The following SPATA9 variants were observed in gnomAD, a reference collection of about 807,000 sequenced individuals.
SPATA9 encodes spermatogenesis-associated protein 9.
A neutral mutation model predicts 25.5 loss-of-function variants in SPATA9; 27 were observed. That is an observed-to-expected ratio of 1.06 (90% CI 0.78 to 1.46). The LOEUF (loss-of-function observed/expected upper bound fraction) is 1.46, where lower values mean the gene tolerates loss of function less well. Among genes scored for constraint, SPATA9 ranks in the 40% most tolerant of loss-of-function variants. The pLI, the probability that SPATA9 is intolerant of heterozygous loss-of-function variation, is 0.00. For missense variants in SPATA9, 282 were observed against 297.5 expected, an observed-to-expected ratio of 0.95 and a Z score of 0.38; for synonymous variants, 102 against 105.7, an observed-to-expected ratio of 0.97 and a Z score of 0.21.
the SPATA9 span, among the ~76,000 whole-genome samples, chr5:95,707,670 A>G: frequency 9.8e-5 from 15 of 152,302 alleles, no homozygotes; most frequent in Non-Finnish European, 2.1e-4. Flanking sequence ...AGCTTGCCAC[A>G]GTATCTTATC....
In SPATA9 at chr5:95,661,833, CAT is replaced by C. The variant is rs1368820787; in HGVS notation, c.474+2118_474+2119del. On this transcript the variant is annotated intron_variant, in intron 4 of 4. Coordinates refer to ENST00000274432, the MANE Select transcript of SPATA9 (RefSeq NM_031952.4). ...TATCTAGTCAACTTACATACACACA[CAT>C]ACACACACACATGCACACACCTGCT... Among the ~76,000 whole-genome samples, 3 of 152,134 alleles carry C rather than the reference CAT, an allele frequency of 2.0e-5. No individual in the cohort carries two copies. The East Asian group carries it at 5.8e-4, about 29-fold the overall frequency.
At chr5:95,705,580 G>A in the SPATA9 span, among the ~76,000 whole-genome samples, 3 of 152,110 alleles carry the variant, frequency 2.0e-5, no homozygotes, top group African/African-American at 4.8e-5. Flanking sequence ...GTAATAATGT[G>A]TATGAAGTAC....
chr5:95,658,545 A>C lies in SPATA9; in HGVS notation c.*78T>G. 1 of 1,482,202 alleles carries C rather than the reference A, an allele frequency of 6.7e-7. No homozygotes were observed. The highest frequency in any genetic ancestry group is 8.9e-7 in the Non-Finnish European group (1 of 1,117,768). The allele number at this position is 1,482,202 out of a possible 1,614,324, so 91.8% of individuals were successfully genotyped here. A position where few individuals can be genotyped will look rare whatever the true frequency, so the allele number is the denominator to read the frequency against. On this transcript the variant is annotated 3_prime_UTR_variant, in exon 5 of 5. Transcript: ENST00000274432. ...AAAGCAGAGCAATTCAGAATATGTA[A>C]ACTAGACTCTGAGTTTTGTCAGATG...
At chr5:95,671,149 C>T (rs1016820056) in intron 3 of SPATA9, among the ~76,000 whole-genome samples, 7 of 152,142 alleles carry the variant, frequency 4.6e-5, no homozygotes, top group Admixed American at 3.9e-4. Flanking sequence ...AATGATTCTC[C>T]TACTTCTCAT....
intron 3 of SPATA9, among the ~76,000 whole-genome samples, chr5:95,669,845 A>C (rs574616848): frequency 6.6e-6 from 1 of 152,322 alleles, no homozygotes; most frequent in South Asian, 2.1e-4. Context: ...AACTACCAGG[A>C]AATTCTCTAC....
the SPATA9 span, among the ~76,000 whole-genome samples, chr5:95,704,095 A>G: frequency 6.6e-6 from 1 of 152,120 alleles, no homozygotes; most frequent in African/African-American, 2.4e-5. Flanking sequence ...ACACAGTCTC[A>G]CTTTGATGTA....
At chr5:95,732,063 G>A in the SPATA9 span, 3 of 1,614,212 alleles carry the variant, frequency 1.9e-6, no homozygotes, top group Non-Finnish European at 2.5e-6. Context: ...TCAAGCTGGT[G>A]GTCCACGACT....
At chr5:95,665,995 T>C (rs1412733344) in intron 3 of SPATA9, among the ~76,000 whole-genome samples, 1 of 152,134 alleles carries the variant, frequency 6.6e-6, no homozygotes, top group Non-Finnish European at 1.5e-5. Flanking sequence ...AAGGTACTTC[T>C]GAAGAACACG....
chr5:95,711,526 TC>T, the SPATA9 span, among the ~76,000 whole-genome samples: 34 of 152,230 alleles, frequency 2.2e-4, no homozygotes, highest in South Asian at 6.0e-3. Flanking sequence ...TGTGCCTCTC[TC>T]AGTGGTAGTA....
chr5:95,674,318 A>T (rs1752704385), intron 3 of SPATA9, among the ~76,000 whole-genome samples: 1 of 152,124 alleles, frequency 6.6e-6, no homozygotes, highest in African/African-American at 2.4e-5. Flanking sequence ...ATTTTTGAGG[A>T]TTCCCTCATT....
chr5:95,699,799 T>C (rs1034975830), upstream of SPATA9, among the ~76,000 whole-genome samples: 1 of 152,232 alleles, frequency 6.6e-6, no homozygotes, highest in Admixed American at 6.5e-5. Context: ...TTGCTATATT[T>C]TGAATTTAGA....
chr5:95,711,562 G>A, the SPATA9 span, among the ~76,000 whole-genome samples: 1 of 152,170 alleles, frequency 6.6e-6, no homozygotes, highest in Non-Finnish European at 1.5e-5. Flanking sequence ...TCCCGCCGCG[G>A]CCGCAGTCGA....
intron 4 of SPATA9, among the ~76,000 whole-genome samples, chr5:95,660,210 TTCTA>T (rs1374431498): frequency 6.6e-6 from 1 of 152,112 alleles, no homozygotes; most frequent in East Asian, 1.9e-4. Flanking sequence ...AGATGGTACC[TTCTA>T]TCTATGTCCT....
the SPATA9 span, among the ~76,000 whole-genome samples, chr5:95,717,997 T>C: frequency 6.6e-6 from 1 of 152,222 alleles, no homozygotes; most frequent in Non-Finnish European, 1.5e-5. Context: ...TAAGAACTTA[T>C]AAAATATTTG....
chr5:95,686,902 C>T (rs951068070), upstream of SPATA9, among the ~76,000 whole-genome samples: 2 of 152,200 alleles, frequency 1.3e-5, no homozygotes, highest in East Asian at 3.8e-4. Flanking sequence ...CCTAAACTTT[C>T]TAAGGCAGTG....
chr5:95,723,036 T>C, the SPATA9 span, among the ~76,000 whole-genome samples: 1 of 152,024 alleles, frequency 6.6e-6, no homozygotes, highest in Non-Finnish European at 1.5e-5. Context: ...GAAACAAACA[T>C]AGACATTTTC....
At chr5:95,656,647 A>G (rs1561389867), downstream of SPATA9, 1 of 163,190 alleles carries the variant, frequency 6.1e-6, no homozygotes, top group Non-Finnish European at 1.3e-5. Flanking sequence ...AATTTAAAAA[A>G]TTTAATTTTT....
intron 3 of SPATA9, chr5:95,670,271 C>T (rs199614430): frequency 1.3e-5 from 2 of 152,142 alleles, no homozygotes; most frequent in Non-Finnish European, 2.9e-5. Context: ...CTCCCCATGT[C>T]GAAGAGCTGA....
chr5:95,669,462 G>GA (rs1233802595), intron 3 of SPATA9, among the ~76,000 whole-genome samples: 3 of 152,156 alleles, frequency 2.0e-5, no homozygotes, highest in Non-Finnish European at 4.4e-5. Context: ...TCCTTATCCT[G>GA]AAAAAAGAAC....
Sources: gnomAD v4.1 joint callset for allele counts (sites outside exome capture counted in the v4.1 genomes callset) on GRCh38, gnomAD v4.1.1 for gene constraint, MANE v1.5 for transcripts, NCBI Gene and HGNC (gene_info 2026-07-23, HGNC 2026-07-21) for gene names.